Variants in PKP4 observed in about 807,000 individuals in gnomAD.
The protein encoded by PKP4 is plakophilin-4.
PKP4 carries 90 observed loss-of-function variants against 145.1 expected under a neutral mutation model. The ratio of observed to expected loss-of-function variants is 0.62; its 90% CI spans 0.52 to 0.74. PKP4 has a LOEUF of 0.74. PKP4 is among the 30% of genes least tolerant of loss of function. The pLI is 0.00. For missense variants in PKP4, 1,340 were observed against 1,482.7 expected (o/e 0.90, Z 1.58); for synonymous variants, 563 against 577.2 (o/e 0.98, Z 0.35).
At chr2:158,555,698 A>G (rs2046027664) in intron 2 of PKP4, among the ~76,000 whole-genome samples, 1 of 152,188 alleles carries the variant, frequency 6.6e-6, no homozygotes, top group Non-Finnish European at 1.5e-5. Flanking sequence ...TCTGATTGTC[A>G]TGGGTTTTGT....
intron 1 of PKP4, among the ~76,000 whole-genome samples, chr2:158,510,517 G>A (rs984883347): frequency 2.6e-5 from 4 of 152,174 alleles, no homozygotes; most frequent in African/African-American, 7.2e-5. Context: ...GTGAGTCATC[G>A]AAAAAAGGCA....
At chr2:158,485,509 C>T (rs1306637102) in intron 1 of PKP4, among the ~76,000 whole-genome samples, 2 of 152,166 alleles carry the variant, frequency 1.3e-5, no homozygotes, top group East Asian at 3.8e-4. Context: ...TGAAGCCTCC[C>T]CAAGACTCTA....
intron 4 of PKP4, among the ~76,000 whole-genome samples, chr2:158,617,288 G>T (rs1013059934): frequency 1.3e-5 from 2 of 151,400 alleles, no homozygotes; most frequent in Admixed American, 6.6e-5. Flanking sequence ...GTTCCCCATA[G>T]TATATTTCTG....
intron 4 of PKP4, among the ~76,000 whole-genome samples, chr2:158,606,385 C>G (rs2050660378): frequency 6.6e-6 from 1 of 152,028 alleles, no homozygotes; most frequent in African/African-American, 2.4e-5. Flanking sequence ...TCTCCACGTC[C>G]TCTCAAACAC....
In PKP4 at chr2:158,533,239, C is replaced by T; in HGVS notation, c.55C>T (p.Gln19Ter). ...GGAGGAGGGGCAACCACAGACCCGC[C>T]AGGAAGCTGCCTCCACTGGCCCAGG... ...LVEEGQPQTR[Q>*]EAASTGPGME... The change falls in exon 2 of 22, where the codon CAG (glutamine) becomes TAG (stop). Residue 19 changes from glutamine to a stop codon, truncating the protein, a stop_gained. Coordinates refer to ENST00000389759, the MANE Select transcript of PKP4 (RefSeq NM_003628.6). LOFTEE classifies it high-confidence loss of function. 6.2e-7 allele frequency: 1 copy of T among 1,613,998 alleles called. No individual in the cohort carries two copies. The highest frequency in any genetic ancestry group is 8.5e-7 in the Non-Finnish European group (1 of 1,180,000).
chr2:158,559,930 G>A (rs1023928698), intron 2 of PKP4, among the ~76,000 whole-genome samples: 2 of 151,802 alleles, frequency 1.3e-5, no homozygotes, highest in Admixed American at 6.6e-5. Flanking sequence ...GCAGTGGCGC[G>A]ATCTTGGCTC....
chr2:158,672,448 A>G (rs560982759), intron 17 of PKP4, among the ~76,000 whole-genome samples: 2 of 152,156 alleles, frequency 1.3e-5, no homozygotes, highest in Non-Finnish European at 2.9e-5. Context: ...TCATCCTACC[A>G]GGCAGCTGTG....
intron 9 of PKP4, among the ~76,000 whole-genome samples, chr2:158,639,177 A>C (rs2054062733): frequency 6.6e-6 from 1 of 152,266 alleles, no homozygotes; most frequent in South Asian, 2.1e-4. Flanking sequence ...AAGTAAACTC[A>C]ATAAAGGATA....
At chr2:158,529,010 G>C (rs1308362607) in intron 1 of PKP4, among the ~76,000 whole-genome samples, 1 of 152,154 alleles carries the variant, frequency 6.6e-6, no homozygotes, top group Non-Finnish European at 1.5e-5. Context: ...AGAGTTTCCT[G>C]TCTCTGCCAC....
At chr2:158,587,385 A>G (rs958142648) in intron 3 of PKP4, among the ~76,000 whole-genome samples, 1 of 152,074 alleles carries the variant, frequency 6.6e-6, no homozygotes, top group South Asian at 2.1e-4. Flanking sequence ...ATTTAACAGT[A>G]TTGAATTATT....
At chr2:158,568,209 A>G (rs374583582) in intron 2 of PKP4, among the ~76,000 whole-genome samples, 76 of 152,258 alleles carry the variant, frequency 5.0e-4, no homozygotes, top group African/African-American at 1.7e-3. Context: ...GTGGTGGCAC[A>G]CACCTGTAAT....
chr2:158,470,389 C>G (rs1181827986), intron 1 of PKP4, among the ~76,000 whole-genome samples: 2 of 152,148 alleles, frequency 1.3e-5, no homozygotes, highest in Non-Finnish European at 2.9e-5. Flanking sequence ...CTAGTTTCTA[C>G]TCATTGTTCT....
intron 6 of PKP4, among the ~76,000 whole-genome samples, chr2:158,624,270 A>G (rs2052542868): frequency 6.6e-6 from 1 of 152,230 alleles, no homozygotes; most frequent in Non-Finnish European, 1.5e-5. Flanking sequence ...TGTTCCCCGA[A>G]GTAAATTCAC....
At chr2:158,572,419 C>CA (rs1177812135) in intron 2 of PKP4, among the ~76,000 whole-genome samples, 1 of 152,152 alleles carries the variant, frequency 6.6e-6, no homozygotes, top group Non-Finnish European at 1.5e-5. Flanking sequence ...AAATAATTCA[C>CA]AAAAACTAAA....
At chr2:158,598,110 C>A (rs142202668) in intron 3 of PKP4, among the ~76,000 whole-genome samples, 1 of 152,132 alleles carries the variant, frequency 6.6e-6, no homozygotes, top group Non-Finnish European at 1.5e-5. Flanking sequence ...AGGCGTGAGC[C>A]GCTGTGTCAA....
At chr2:158,674,899 A>G (rs1363775023) in intron 19 of PKP4, among the ~76,000 whole-genome samples, 1 of 152,242 alleles carries the variant, frequency 6.6e-6, no homozygotes, top group African/African-American at 2.4e-5. Context: ...AAAAAGACGA[A>G]TATACATGGC....
intron 2 of PKP4, among the ~76,000 whole-genome samples, chr2:158,549,714 G>A (rs936894237): frequency 2.6e-5 from 4 of 152,076 alleles, no homozygotes; most frequent in African/African-American, 9.7e-5. Context: ...TGACCAGTAT[G>A]GAAAGGGTCA....
At chr2:158,469,787 T>A (rs1691262199) in intron 1 of PKP4, among the ~76,000 whole-genome samples, 1 of 152,210 alleles carries the variant, frequency 6.6e-6, no homozygotes, top group South Asian at 2.1e-4. Flanking sequence ...TTTGATCCAT[T>A]TTCTGTATTT....
intron 8 of PKP4, 73 bp from the exon 9 acceptor site, chr2:158,633,997 A>G: frequency 2.4e-6 from 2 of 823,668 alleles, no homozygotes; most frequent in African/African-American, 3.4e-5. Flanking sequence ...TAAAATTAAA[A>G]ATGTTTTACC....
Sources: gnomAD v4.1 joint callset for allele counts (sites outside exome capture counted in the v4.1 genomes callset) on GRCh38, gnomAD v4.1.1 for gene constraint, MANE v1.5 for transcripts, NCBI Gene and HGNC (gene_info 2026-07-23, HGNC 2026-07-21) for gene names.